FYN: variants seen among roughly 807,000 people sequenced by gnomAD.
The protein encoded by FYN is FYN proto-oncogene, Src family tyrosine kinase, also known as tyrosine-protein kinase Fyn.
FYN carries 10 observed loss-of-function variants against 70.2 expected under a neutral mutation model. The observed-to-expected ratio is 0.14, with a 90% confidence interval of 0.09 to 0.24. The LOEUF is 0.24. FYN is among the 10% of genes least tolerant of loss of function. FYN has a pLI of 1.00. For synonymous variants in FYN, 236 were observed against 248.6 expected, an observed-to-expected ratio of 0.95 and a Z score of 0.48; for missense variants, 319 against 673.1, an observed-to-expected ratio of 0.47 and a Z score of 5.82.
At chr6:111,861,658 T>C (rs2114520533) in intron 1 of FYN, among the ~76,000 whole-genome samples, 1 of 152,260 alleles carries the variant, frequency 6.6e-6, no homozygotes, top group African/African-American at 2.4e-5. Context: ...AGGAGAGGAC[T>C]AGGCAGGGGA....
intron 3 of FYN, among the ~76,000 whole-genome samples, chr6:111,745,349 G>T (rs2128482314): frequency 6.6e-6 from 1 of 152,302 alleles, no homozygotes; most frequent in Admixed American, 6.5e-5. Flanking sequence ...TGAAGCTTGG[G>T]CATGTGACTC....
chr6:111,714,158 C>T (rs962692790), intron 5 of FYN, among the ~76,000 whole-genome samples, 189 bp downstream of exon 5: 1 of 152,214 alleles, frequency 6.6e-6, no homozygotes, highest in Admixed American at 6.5e-5. Context: ...TCTCCTTGGA[C>T]ACACAGTGCC....
At chr6:111,711,886 T>C (rs1420997839) in intron 5 of FYN, among the ~76,000 whole-genome samples, 1 of 152,218 alleles carries the variant, frequency 6.6e-6, no homozygotes, top group African/African-American at 2.4e-5. Flanking sequence ...AGAAAGGGAA[T>C]TTTAAAATTC....
intron 3 of FYN, among the ~76,000 whole-genome samples, chr6:111,751,306 A>G (rs1251798075): frequency 6.6e-6 from 1 of 152,198 alleles, no homozygotes; most frequent in Non-Finnish European, 1.5e-5. Context: ...GCCCTGGCTC[A>G]GGTTGACAAC....
intron 3 of FYN, among the ~76,000 whole-genome samples, chr6:111,752,056 C>T (rs1050444778): frequency 1.3e-5 from 2 of 152,058 alleles, no homozygotes. Flanking sequence ...TTTTATAAAA[C>T]TGGATGTTTA....
chr6:111,763,469 G>A (rs1379485039), intron 3 of FYN, among the ~76,000 whole-genome samples: 1 of 152,086 alleles, frequency 6.6e-6, no homozygotes, highest in Non-Finnish European at 1.5e-5. Flanking sequence ...TCTTTGGAGC[G>A]GATATCAACA....
intron 12 of FYN, among the ~76,000 whole-genome samples, chr6:111,690,994 G>C (rs1220469134): frequency 1.3e-5 from 2 of 152,228 alleles, no homozygotes; most frequent in Non-Finnish European, 2.9e-5. Flanking sequence ...TAGAGACTCT[G>C]ATTGGGCAGA....
At chr6:111,756,062 G>C (rs72942140) in intron 3 of FYN, among the ~76,000 whole-genome samples, 1,707 of 151,866 alleles carry the variant, frequency 0.011, 20 homozygotes, top group South Asian at 0.038. Context: ...GATGAACAAA[G>C]GAAAAGCTAT....
chr6:111,863,954 C>A (rs1774034117), intron 1 of FYN, among the ~76,000 whole-genome samples: 1 of 152,172 alleles, frequency 6.6e-6, no homozygotes, highest in South Asian at 2.1e-4. Flanking sequence ...CCTGCTGACT[C>A]TTCCCTTCTC....
At chr6:111,822,977 T>C (rs1045789939) in intron 2 of FYN, among the ~76,000 whole-genome samples, 3 of 151,890 alleles carry the variant, frequency 2.0e-5, no homozygotes, top group Admixed American at 1.3e-4. Flanking sequence ...TGCAGCAGGG[T>C]AAAAACGGGG....
At chr6:111,687,220 T>C (rs944222114) in intron 12 of FYN, among the ~76,000 whole-genome samples, 1 of 152,200 alleles carries the variant, frequency 6.6e-6, no homozygotes, top group Non-Finnish European at 1.5e-5. Flanking sequence ...ACTGCAACAG[T>C]TAGTAATTCT....
intron 2 of FYN, among the ~76,000 whole-genome samples, chr6:111,826,005 C>T (rs1772823546): frequency 6.6e-6 from 1 of 152,018 alleles, no homozygotes; most frequent in South Asian, 2.1e-4. Context: ...AATTTCATTA[C>T]TATTTAAGTA....
chr6:111,757,892 T>TA (rs1802811740), intron 3 of FYN, among the ~76,000 whole-genome samples: 1 of 152,212 alleles, frequency 6.6e-6, no homozygotes, highest in African/African-American at 2.4e-5. Flanking sequence ...TTAACAGTCT[T>TA]AGAGAAGGAA....
chr6:111,868,242 G>C (rs1583506334), intron 1 of FYN, among the ~76,000 whole-genome samples: 1 of 152,048 alleles, frequency 6.6e-6, no homozygotes, highest in Admixed American at 6.5e-5. Flanking sequence ...TGCAAAACTA[G>C]CAAGTAAGTT....
At chr6:111,695,624 A>G (rs1165048225) in intron 10 of FYN, among the ~76,000 whole-genome samples, 1 of 152,252 alleles carries the variant, frequency 6.6e-6, no homozygotes, top group Non-Finnish European at 1.5e-5. Context: ...TGGAAAAGAA[A>G]AATTACACTG....
At chr6:111,711,485 G>A (rs1800375324) in intron 5 of FYN, among the ~76,000 whole-genome samples, 4 of 152,308 alleles carry the variant, frequency 2.6e-5, no homozygotes, top group Non-Finnish European at 4.4e-5. Context: ...CACTTACAAC[G>A]GGTCAATGAA....
chr6:111,870,008 G>A (rs1370218031), intron 1 of FYN, among the ~76,000 whole-genome samples: 2 of 152,200 alleles, frequency 1.3e-5, no homozygotes, highest in African/African-American at 2.4e-5. Flanking sequence ...TAGCCTATAA[G>A]TTTCTTGAGG....
rs139659139 is a variant in FYN at position 111,800,136 on chromosome 6, G to A, written c.-81-19501C>T. 3.9e-4 allele frequency among the ~76,000 whole-genome samples: 59 copies of A among 152,246 alleles called. 1 individual carries two copies. Among genetic ancestry groups the A allele is most frequent in the African/African-American group, 1.3e-3 (55 of 41,538 alleles). On this transcript the variant is annotated intron_variant, in intron 2 of 13. Coordinates refer to ENST00000354650, the MANE Select transcript of FYN (RefSeq NM_002037.5). ...AGGATCAAAATGGATTCTCTATTACGGGTTTCTGCTGGCTCTTTGATTCTA... is the reference window on the plus strand; with the variant it reads ...AGGATCAAAATGGATTCTCTATTACAGGTTTCTGCTGGCTCTTTGATTCTA...
At chr6:111,778,741 G>A (rs1171838183) in intron 3 of FYN, among the ~76,000 whole-genome samples, 1 of 151,828 alleles carries the variant, frequency 6.6e-6, no homozygotes, top group Non-Finnish European at 1.5e-5. Flanking sequence ...TGAGCTGCCC[G>A]CCTCAGCCTC....
Sources: gnomAD v4.1 joint callset for allele counts (sites outside exome capture counted in the v4.1 genomes callset) on GRCh38, gnomAD v4.1.1 for gene constraint, MANE v1.5 for transcripts, NCBI Gene and HGNC (gene_info 2026-07-23, HGNC 2026-07-21) for gene names.